The following TRIP11 variants were observed in gnomAD, a reference collection of about 807,000 sequenced individuals.
The protein encoded by TRIP11 is thyroid hormone receptor interactor 11.
In TRIP11, 148 loss-of-function variants were observed where a neutral mutation model predicts 223.1. The ratio of observed to expected loss-of-function variants is 0.66; its 90% CI spans 0.58 to 0.76. TRIP11 has a LOEUF of 0.76. Among genes scored for constraint, TRIP11 ranks in the 30% least tolerant of loss-of-function variants. The pLI, the probability that TRIP11 is intolerant of heterozygous loss-of-function variation, is 0.00. For synonymous variants in TRIP11, 762 were observed against 772.6 expected, an observed-to-expected ratio of 0.99 and a Z score of 0.23; for missense variants, 2,043 against 2,222.0, an observed-to-expected ratio of 0.92 and a Z score of 1.62.
chr14:91,997,234 G>T (rs1050698114), intron 13 of TRIP11, among the ~76,000 whole-genome samples: 2 of 152,086 alleles, frequency 1.3e-5, no homozygotes, highest in African/African-American at 4.8e-5. Context: ...TTAAGTAAGG[G>T]CTCACACCAC....
chr14:91,989,166 G>T (rs56051343), intron 15 of TRIP11, among the ~76,000 whole-genome samples: 4,609 of 152,204 alleles, frequency 0.03, 195 homozygotes, highest in African/African-American at 0.097. Context: ...TTGTAATATA[G>T]TTAAATCTTT....
At chr14:91,979,421 G>T (rs1446067867) in intron 16 of TRIP11, among the ~76,000 whole-genome samples, 1 of 152,136 alleles carries the variant, frequency 6.6e-6, no homozygotes, top group Non-Finnish European at 1.5e-5. Context: ...AAACTGCGTA[G>T]AAGTCCAAAT....
intron 19 of TRIP11, among the ~76,000 whole-genome samples, 187 bp downstream of exon 19, chr14:91,974,440 C>T (rs943748965): frequency 1.1e-4 from 16 of 152,082 alleles, no homozygotes; most frequent in African/African-American, 3.9e-4. Flanking sequence ...AACCTATATG[C>T]AATAAAGTTA....
chr14:91,997,688 C>T (rs1475090399), intron 13 of TRIP11, among the ~76,000 whole-genome samples: 1 of 151,872 alleles, frequency 6.6e-6, no homozygotes, highest in African/African-American at 2.4e-5. Flanking sequence ...AAAACAGTGG[C>T]TCTGAGAAAG....
At chr14:92,033,291 TACC>T in intron 1 of TRIP11, 38 bp from the exon 2 acceptor site, 11 of 1,488,682 alleles carry the variant, frequency 7.4e-6, no homozygotes, top group Middle Eastern at 1.7e-4. Context: ...ATTTAATCAA[TACC>T]ATATGAAGTA....
At chr14:91,998,438 G>C (rs2056777872) in intron 13 of TRIP11, among the ~76,000 whole-genome samples, 1 of 151,908 alleles carries the variant, frequency 6.6e-6, no homozygotes, top group African/African-American at 2.4e-5. Flanking sequence ...CCAAATAATG[G>C]CATATTATGT....
At chr14:91,989,073 G>T (rs2056641547) in intron 15 of TRIP11, among the ~76,000 whole-genome samples, 1 of 152,128 alleles carries the variant, frequency 6.6e-6, no homozygotes, top group African/African-American at 2.4e-5. Flanking sequence ...TGCTTTTACA[G>T]CTTCTTAAGT....
chr14:92,029,280 A>ATTTTTTTTTTTTTTTTT (rs60778253), intron 2 of TRIP11, among the ~76,000 whole-genome samples: 2 of 76,762 alleles, frequency 2.6e-5, no homozygotes, highest in Admixed American at 3.4e-4. Flanking sequence ...CCAAAGTATT[A>ATTTTTTTTTTTTTTTTT]TTTTTTTTTT....
chr14:92,004,078 T>C lies in TRIP11; in HGVS notation c.3898A>G (p.Asn1300Asp), dbSNP rs2056864669. 2 of 1,614,078 alleles carry C rather than the reference T, an allele frequency of 1.2e-6. No homozygotes were observed. The highest frequency in any genetic ancestry group is 1.1e-5 in the South Asian group (1 of 91,086). The change falls in exon 11 of 21, where the codon AAT (asparagine) becomes GAT (aspartate). Residue 1300 changes from asparagine (N) to aspartate (D), a missense_variant. Coordinates refer to ENST00000267622, the MANE Select transcript of TRIP11 (RefSeq NM_004239.4). ...QVQHSIGQLC[N>D]TKDLLLGKLD... ...TTTCCTAAAAGAAGATCCTTGGTAT[T>C]GCAAAGCTGCCCAATGCTGTGCTGA...
At position 92,003,834 on chromosome 14, in the gene TRIP11, G is replaced by A. The variant is rs2056860135; in HGVS notation, c.4142C>T (p.Ser1381Leu). 2 of 1,613,938 alleles carry A rather than the reference G, an allele frequency of 1.2e-6. No homozygotes were observed. Among genetic ancestry groups the A allele is most frequent in the Non-Finnish European group, 1.7e-6 (2 of 1,180,046 alleles). ...TTCGTGTTCTTTTCTTTCTAGCTCT[G>A]AGGTGGCAGCAATCGAATCAGACAA... ...HRLSDSIAAT[S>L]ELERKEHEQT... The change falls in exon 11 of 21, where the codon TCA becomes TTA. Residue 1381 changes from serine to leucine, a missense_variant. Transcript: ENST00000267622.
chr14:91,994,447 T>C (rs1349791408), intron 14 of TRIP11, among the ~76,000 whole-genome samples: 1 of 152,062 alleles, frequency 6.6e-6, no homozygotes, highest in Non-Finnish European at 1.5e-5. Flanking sequence ...TTTCACCACA[T>C]TGGCCAGGCT....
chr14:92,039,515 A>T, intron 1 of TRIP11, 32 bp downstream of exon 1: 7 of 1,611,490 alleles, frequency 4.3e-6, no homozygotes, highest in Non-Finnish European at 5.9e-6. Context: ...GGGTCTTAGA[A>T]AAGCCCTCCC....
chr14:92,000,874 T>C (rs2056816853), intron 11 of TRIP11, among the ~76,000 whole-genome samples: 1 of 151,704 alleles, frequency 6.6e-6, no homozygotes, highest in Admixed American at 6.6e-5. Context: ...CTTTTTTTTT[T>C]TTTTGAGACG....
intron 15 of TRIP11, among the ~76,000 whole-genome samples, chr14:91,992,079 CAAAA>C (rs3031548): frequency 3.6e-3 from 217 of 59,744 alleles, no homozygotes; most frequent in African/African-American, 0.014. Flanking sequence ...AACGCCGTCT[CAAAA>C]AAAAAAAAAA....
At chr14:92,007,346 A>C (rs1490920144) in intron 10 of TRIP11, among the ~76,000 whole-genome samples, 1 of 152,164 alleles carries the variant, frequency 6.6e-6, no homozygotes, top group Non-Finnish European at 1.5e-5. Flanking sequence ...TTAACTCTAC[A>C]CTAGAGTAAG....
chr14:92,005,808 G>T lies in TRIP11; in HGVS notation c.2168C>A (p.Ala723Glu). ...CCTCTTTTTAGCCCAACACAATTCT[G>T]CCTCTATCTCTCCTTTTTCCATTTT... ...TLKMEKGEIE[A>E]ELCWAKKRLL... Residue 723 changes from alanine to glutamate, a missense_variant, in exon 11 of 21, where the codon GCA becomes GAA. Transcript: ENST00000267622. 6.2e-7 allele frequency: 1 copy of T among 1,613,980 alleles called. No homozygotes were observed. The highest frequency in any genetic ancestry group is 8.5e-7 in the Non-Finnish European group (1 of 1,180,000).
At chr14:92,000,523 A>G (rs1040425978) in intron 11 of TRIP11, among the ~76,000 whole-genome samples, 12 of 152,166 alleles carry the variant, frequency 7.9e-5, no homozygotes, top group Non-Finnish European at 1.8e-4. Flanking sequence ...AACAAGGAAA[A>G]CTCAGTATGA....
intron 4 of TRIP11, among the ~76,000 whole-genome samples, chr14:92,020,688 T>C (rs2057100805): frequency 6.6e-6 from 1 of 151,598 alleles, no homozygotes; most frequent in Non-Finnish European, 1.5e-5. Flanking sequence ...GATCTGTTGC[T>C]TTTTTTTGAA....
Position 92,005,754 on chromosome 14 carries a change from T to A in TRIP11, c.2222A>T (p.Lys741Ile). 1 of 1,614,092 alleles carries A rather than the reference T, an allele frequency of 6.2e-7. No homozygotes were observed. The highest frequency in any genetic ancestry group is 8.5e-7 in the Non-Finnish European group (1 of 1,180,020). ...TGCATTTGACAGTTCTTCAATGGTT[T>A]TCTCATACTTGTTTGCTTCTTCCAA... is the stretch of plus-strand genomic sequence containing the variant. ...RLLEEANKYE[K>I]TIEELSNARN... Residue 741 changes from lysine (K) to isoleucine (I), a missense_variant, in exon 11 of 21, where the codon AAA becomes ATA. By Grantham distance (102) the Lys-to-Ile change is moderately radical. Coordinates refer to ENST00000267622, the MANE Select transcript of TRIP11 (RefSeq NM_004239.4).
Sources: allele counts gnomAD v4.1 joint callset (sites outside exome capture counted in the v4.1 genomes callset), GRCh38; gene constraint gnomAD v4.1.1; transcripts MANE v1.5; gene names NCBI Gene and HGNC (gene_info 2026-07-23, HGNC 2026-07-21).